Variants in CLASP2 observed in about 807,000 individuals in gnomAD.
CLASP2 encodes the protein CLIP-associating protein 2.
A neutral mutation model predicts 194.4 loss-of-function variants in CLASP2; 47 were observed. The ratio of observed to expected loss-of-function variants is 0.24; its 90% CI spans 0.19 to 0.31. CLASP2 has a LOEUF of 0.31. Ranked by LOEUF, CLASP2 falls within the 10% of genes least tolerant of loss-of-function variation. CLASP2 has a pLI of 1.00. For synonymous variants in CLASP2, 619 were observed against 633.5 expected (o/e 0.98, Z 0.34); for missense variants, 1,445 against 1,823.6 (o/e 0.79, Z 3.78).
chr3:33,512,715 G>C (rs1454825753), intron 36 of CLASP2, among the ~76,000 whole-genome samples: 2 of 148,446 alleles, frequency 1.3e-5, no homozygotes, highest in East Asian at 3.9e-4. Flanking sequence ...AAAAGGCCAG[G>C]AGTGGTGGCT....
chr3:33,583,529 C>T (rs1248097621), intron 22 of CLASP2, among the ~76,000 whole-genome samples: 3 of 152,180 alleles, frequency 2.0e-5, no homozygotes, highest in Non-Finnish European at 4.4e-5. Flanking sequence ...ATGTTATTTA[C>T]AGCTTTTCAT....
Position 33,497,079 on chromosome 3 carries a change from A to C in CLASP2, c.*1552T>G, listed in dbSNP as rs1451200108. ...GAACTATAAATACACAATGTAATTA[A>C]CAGTAGAAAACAAAATTGTTACAGG... On this transcript the variant is annotated 3_prime_UTR_variant, in exon 39 of 39. Transcript: ENST00000682230. 1 of 152,644 alleles carries C rather than the reference A, an allele frequency of 6.6e-6. No individual in the cohort carries two copies. The highest frequency in any genetic ancestry group is 2.4e-5 in the African/African-American group (1 of 41,478). The allele number at this position is 152,644 out of a possible 1,614,324, so 9.5% of individuals were successfully genotyped here.
At chr3:33,584,536 G>A (rs2066915007) in intron 22 of CLASP2, among the ~76,000 whole-genome samples, 1 of 151,660 alleles carries the variant, frequency 6.6e-6, no homozygotes, top group Non-Finnish European at 1.5e-5. Context: ...AAAGTGCTGG[G>A]ATTACAGGCA....
chr3:33,656,283 G>C (rs905680593), intron 7 of CLASP2, among the ~76,000 whole-genome samples: 8 of 152,038 alleles, frequency 5.3e-5, no homozygotes, highest in African/African-American at 7.2e-5. Flanking sequence ...TTAATAACTG[G>C]AATATATAAA....
rs374242633 is a variant in CLASP2 at position 33,607,424 on chromosome 3, T to C, written c.1486A>G (p.Ile496Val). 1 of 1,611,306 alleles carries C rather than the reference T, an allele frequency of 6.2e-7. No individual in the cohort carries two copies. The highest frequency in any genetic ancestry group is 8.5e-7 in the Non-Finnish European group (1 of 1,178,852). The change falls in exon 15 of 39, where the codon ATT becomes GTT. Residue 496 changes from isoleucine to valine, a missense_variant. Ile to Val is a conservative substitution (Grantham distance 29). This residue lies in a region of CLASP2 where 207 missense variants were observed against 331.4 expected (regional missense o/e 0.62). Transcript: ENST00000682230. ...CTGGCCTCAGCGTCAGCATCATGAA[T>C]TCCCTTTTTAATAGTTTCAACCAAG... The part of the protein sequence containing the change: ...AVLVETIKKG[I>V]HDADAEARVE...
At chr3:33,578,751 T>C (rs1384456665) in intron 23 of CLASP2, among the ~76,000 whole-genome samples, 1 of 152,238 alleles carries the variant, frequency 6.6e-6, no homozygotes, top group Non-Finnish European at 1.5e-5. Context: ...TGAAACACTT[T>C]ACAGAATCAA....
intron 25 of CLASP2, 115 bp downstream of exon 25, chr3:33,572,995 A>C: frequency 1.7e-6 from 2 of 1,173,134 alleles, no homozygotes; most frequent in Non-Finnish European, 2.4e-6. Context: ...AAGCAACCAT[A>C]TGAATTCAGG....
At chr3:33,562,490 G>A (rs1576467397) in intron 27 of CLASP2, among the ~76,000 whole-genome samples, 3 of 152,188 alleles carry the variant, frequency 2.0e-5, no homozygotes, top group African/African-American at 7.2e-5. Flanking sequence ...GTTTGCACCT[G>A]TCTAGAGAGT....
intron 26 of CLASP2, among the ~76,000 whole-genome samples, chr3:33,567,809 C>T (rs2154188201): frequency 6.6e-6 from 1 of 152,256 alleles, no homozygotes; most frequent in African/African-American, 2.4e-5. Context: ...TTCCCTCACA[C>T]TGCTTAAGTA....
chr3:33,498,797 A>T (rs778037070), intron 38 of CLASP2, 80 bp from the exon 39 acceptor site: 2 of 699,754 alleles, frequency 2.9e-6, no homozygotes, highest in Non-Finnish European at 4.7e-6. Context: ...TTATATACAT[A>T]TATGTGAGCT....
In CLASP2 at chr3:33,574,770, T is replaced by C. The variant is rs528880624; in HGVS notation, c.2454+1399A>G. On this transcript the variant is annotated intron_variant, in intron 24 of 38. Transcript: ENST00000682230. ...TCTTCCTATTTGGATCCTTTTGTCA[T>C]TTCCAAAGTTAAGTGTATTTCTATG... Among the ~76,000 whole-genome samples the C allele has an allele frequency of 1.2e-4, 18 of 152,278 alleles. No individual in the cohort carries two copies. In the South Asian group the frequency reaches 3.3e-3, roughly 28 times the overall value.
At chr3:33,717,151 C>A (rs1192286257) in intron 1 of CLASP2, among the ~76,000 whole-genome samples, 1 of 152,236 alleles carries the variant, frequency 6.6e-6, no homozygotes, top group Admixed American at 6.5e-5. Flanking sequence ...TCTACTAAGA[C>A]ACATCAACCT....
In CLASP2 at chr3:33,602,267, G is replaced by C. The variant is rs560014416; in HGVS notation, c.1924+685C>G. 9.8e-6 allele frequency: 4 copies of C among 406,812 alleles called. No homozygotes were observed. The East Asian group carries it at 1.9e-4, about 19-fold the overall frequency. 25.2% of individuals were successfully genotyped at this position (406,812 alleles called of 1,614,324 possible). On this transcript the variant is annotated intron_variant, in intron 18 of 38. Coordinates refer to ENST00000682230, the MANE Select transcript of CLASP2 (RefSeq NM_001365631.1). ...GACCTCAGGTGATCTGCCCGCCTCA[G>C]TCCAAAATACCTTTGAGTGTCATGT...
intron 8 of CLASP2, among the ~76,000 whole-genome samples, chr3:33,637,898 A>G (rs1405516134): frequency 6.6e-6 from 1 of 152,250 alleles, no homozygotes; most frequent in East Asian, 1.9e-4. Context: ...ATTTCAAAAC[A>G]TGTAAGTACA....
chr3:33,560,672 A>T, intron 28 of CLASP2, 136 bp downstream of exon 28: 2 of 708,846 alleles, frequency 2.8e-6, no homozygotes, highest in Non-Finnish European at 4.7e-6. Flanking sequence ...ATGAATGGGC[A>T]TAATTAACAA....
At chr3:33,614,645 G>A (rs1300477102) in intron 12 of CLASP2, among the ~76,000 whole-genome samples, 1 of 152,054 alleles carries the variant, frequency 6.6e-6, no homozygotes, top group Non-Finnish European at 1.5e-5. Context: ...CATTTTTAGA[G>A]GCAACAATAA....
intron 24 of CLASP2, among the ~76,000 whole-genome samples, chr3:33,574,225 A>G (rs1320203239): frequency 6.6e-6 from 1 of 152,136 alleles, no homozygotes; most frequent in Non-Finnish European, 1.5e-5. Context: ...AACAGATTAA[A>G]CACAATAATT....
chr3:33,563,889 C>A (rs2062196623), intron 27 of CLASP2: 1 of 456,202 alleles, frequency 2.2e-6, no homozygotes, highest in Non-Finnish European at 4.4e-6. Context: ...ACTCTTTATC[C>A]TTGAACACAC....
intron 25 of CLASP2, among the ~76,000 whole-genome samples, chr3:33,571,670 G>A (rs1351516879): frequency 6.6e-6 from 1 of 151,554 alleles, no homozygotes; most frequent in Non-Finnish European, 1.5e-5. Flanking sequence ...AAACAAATCA[G>A]CTGGGTGTGG....
Sources: allele counts gnomAD v4.1 joint callset (sites outside exome capture counted in the v4.1 genomes callset), GRCh38; gene constraint gnomAD v4.1.1; regional missense constraint gnomAD v4.1.1; transcripts MANE v1.5; gene names NCBI Gene and HGNC (gene_info 2026-07-23, HGNC 2026-07-21).